The following TMEM132D variants were observed in gnomAD, a reference collection of about 807,000 sequenced individuals.
TMEM132D encodes the protein transmembrane protein 132D, also known as mature OL transmembrane protein.
A neutral mutation model predicts 62.3 loss-of-function variants in TMEM132D; 21 were observed. That is an observed-to-expected ratio of 0.34 (90% confidence interval 0.24 to 0.49). The LOEUF is 0.49. Ranked by LOEUF, TMEM132D falls within the 20% of genes least tolerant of loss-of-function variation. The probability of loss-of-function intolerance (pLI) is 0.99; values close to 1 mark genes in which losing one functional copy is unlikely to be tolerated. For missense variants in TMEM132D, 1,346 were observed against 1,402.8 expected, an observed-to-expected ratio of 0.96 and a Z score of 0.65; for synonymous variants, 621 against 575.6, an observed-to-expected ratio of 1.08 and a Z score of -1.13.
intron 3 of TMEM132D, among the ~76,000 whole-genome samples, chr12:129,403,713 T>G (rs1305509644): frequency 1.3e-5 from 2 of 152,056 alleles, no homozygotes; most frequent in Non-Finnish European, 2.9e-5. Flanking sequence ...TTGACTCGCA[T>G]GGAGTTAGAA....
At chr12:129,645,499 G>T (rs1173362176) in intron 2 of TMEM132D, among the ~76,000 whole-genome samples, 1 of 152,172 alleles carries the variant, frequency 6.6e-6, no homozygotes, top group East Asian at 1.9e-4. Context: ...TCTTATGTCG[G>T]TGATTTTTCA....
intron 3 of TMEM132D, among the ~76,000 whole-genome samples, chr12:129,447,030 C>A (rs1414705489): frequency 6.6e-6 from 1 of 152,162 alleles, no homozygotes; most frequent in Non-Finnish European, 1.5e-5. Context: ...TGTAGAGAAT[C>A]CTGCTACTCA....
intron 1 of TMEM132D, among the ~76,000 whole-genome samples, chr12:129,778,491 C>T (rs528762893): frequency 3.3e-5 from 5 of 152,304 alleles, no homozygotes; most frequent in Admixed American, 2.0e-4. Context: ...CCGAAAGACA[C>T]GTGAGCACTT....
At chr12:129,186,810 G>A (rs938552537) in intron 5 of TMEM132D, among the ~76,000 whole-genome samples, 3 of 152,150 alleles carry the variant, frequency 2.0e-5, no homozygotes, top group East Asian at 1.9e-4. Context: ...CAACTACAAC[G>A]TCATTGTGAA....
chr12:129,782,542 G>C (rs11835918), intron 1 of TMEM132D, among the ~76,000 whole-genome samples: 1,870 of 152,310 alleles, frequency 0.012, 30 homozygotes, highest in African/African-American at 0.043. Context: ...CTAAAATTGC[G>C]CCTGGCCTCA....
chr12:129,362,478 A>C (rs1472128106), intron 3 of TMEM132D, among the ~76,000 whole-genome samples: 2 of 140,480 alleles, frequency 1.4e-5, no homozygotes. Context: ...GCTACAGACA[A>C]ATATAGAAAC....
At chr12:129,388,232 T>A in intron 3 of TMEM132D, among the ~76,000 whole-genome samples, 1 of 127,318 alleles carries the variant, frequency 7.9e-6, no homozygotes, top group Non-Finnish European at 1.8e-5. Context: ...CTAACACGAA[T>A]CCTAATATAA....
At position 129,164,686 on chromosome 12, in the gene TMEM132D, G is replaced by A. The variant is rs550879892; in HGVS notation, c.1443+44834C>T. On this transcript the variant is annotated intron_variant, in intron 5 of 8. Coordinates refer to ENST00000422113, the MANE Select transcript of TMEM132D (RefSeq NM_133448.3). ...GCGGCAGGAAGAAGTGCTGAGTGAA[G>A]GGGAAAGAGCCCATTATAAAACCAT... Among the ~76,000 whole-genome samples, 243 of 152,238 alleles carry A rather than the reference G, an allele frequency of 1.6e-3. 1 individual carries two copies. In the Middle Eastern group the frequency reaches 0.02, roughly 13 times the overall value.
intron 3 of TMEM132D, among the ~76,000 whole-genome samples, chr12:129,444,059 T>C (rs1046737521): frequency 2.6e-5 from 4 of 152,308 alleles, no homozygotes; most frequent in Non-Finnish European, 4.4e-5. Flanking sequence ...GCTAGCCATA[T>C]GCAGAAAATT....
At chr12:129,200,593 G>A (rs751587473) in intron 5 of TMEM132D, among the ~76,000 whole-genome samples, 3 of 152,174 alleles carry the variant, frequency 2.0e-5, no homozygotes, top group Non-Finnish European at 4.4e-5. Context: ...GGGAGTTATA[G>A]GATCTGCAGG....
chr12:129,900,116 T>C (rs1486893531), intron 1 of TMEM132D, among the ~76,000 whole-genome samples: 4 of 152,234 alleles, frequency 2.6e-5, no homozygotes, highest in Non-Finnish European at 4.4e-5. Flanking sequence ...GTTCAGTTCA[T>C]GTCGCAATGT....
In TMEM132D at chr12:129,081,910, C is replaced by T; in HGVS notation, c.1772G>A (p.Gly591Glu). ...TQFVAEAAGPGGHLAHLLGSD... is the reference protein window; with the variant it reads ...TQFVAEAAGPEGHLAHLLGSD... Reference sequence around the variant, plus strand: ...GCCCAGCAGGTGGGCCAGGTGTCCCCCAGGGCCGGCCGCCTCAGCCACAAA... The same window carrying T: ...GCCCAGCAGGTGGGCCAGGTGTCCCTCAGGGCCGGCCGCCTCAGCCACAAA... Residue 591 changes from glycine to glutamate, a missense_variant, in exon 7 of 9, where the codon GGG (glycine) becomes GAG (glutamate). Transcript: ENST00000422113. 1 of 1,614,070 alleles carries T rather than the reference C, an allele frequency of 6.2e-7. No individual in the cohort carries two copies. Among genetic ancestry groups the T allele is most frequent in the Non-Finnish European group, 8.5e-7 (1 of 1,180,042 alleles).
rs116068322 is a variant in TMEM132D at position 129,438,680 on chromosome 12, C to T, written c.1115+92379G>A. 5.9e-5 allele frequency among the ~76,000 whole-genome samples: 9 copies of T among 152,190 alleles called. No homozygotes were observed. The East Asian group carries it at 1.2e-3, about 20-fold the overall frequency. On this transcript the variant is annotated intron_variant, in intron 3 of 8. Coordinates refer to ENST00000422113, the MANE Select transcript of TMEM132D (RefSeq NM_133448.3). ...TGGGAAGAAGGAGATGTTCTGTCCTCGGATCTGACACCTGTATAAGCGACT... is the reference window on the plus strand; with the variant it reads ...TGGGAAGAAGGAGATGTTCTGTCCTTGGATCTGACACCTGTATAAGCGACT...
intron 4 of TMEM132D, among the ~76,000 whole-genome samples, chr12:129,314,799 G>T (rs1868430723): frequency 6.6e-6 from 1 of 151,802 alleles, no homozygotes; most frequent in African/African-American, 2.4e-5. Flanking sequence ...GTTTATTTCA[G>T]CAGTGTTTTG....
intron 1 of TMEM132D, among the ~76,000 whole-genome samples, chr12:129,868,256 CAT>C (rs1431323616): frequency 6.6e-6 from 1 of 152,134 alleles, no homozygotes; most frequent in Non-Finnish European, 1.5e-5. Context: ...AGGGAACACA[CAT>C]GAGACAGCAT....
intron 5 of TMEM132D, among the ~76,000 whole-genome samples, chr12:129,159,106 T>A (rs1307434715): frequency 2.6e-5 from 4 of 152,182 alleles, no homozygotes; most frequent in East Asian, 1.9e-4. Flanking sequence ...CCAAACCATA[T>A]CATCAATTGT....
intron 1 of TMEM132D, among the ~76,000 whole-genome samples, chr12:129,819,898 G>A (rs1430342558): frequency 3.3e-5 from 5 of 152,132 alleles, no homozygotes; most frequent in Non-Finnish European, 7.3e-5. Flanking sequence ...AGTGGGAGAC[G>A]CAGTGTCCTG....
intron 3 of TMEM132D, among the ~76,000 whole-genome samples, chr12:129,450,945 G>A (rs1003031807): frequency 1.3e-5 from 2 of 151,712 alleles, no homozygotes; most frequent in African/African-American, 2.4e-5. Flanking sequence ...TGTAATTTTA[G>A]TAAAGACAGG....
rs201170894 is a variant in TMEM132D at position 129,747,531 on chromosome 12, GAC to G, written c.80-46835_80-46834del. The stretch of plus-strand genomic sequence containing the variant: ...ACACACACACACTCTCACACATTCA[GAC>G]ACACACACTCTCAGACACCCTCTCA... On this transcript the variant is annotated intron_variant, in intron 1 of 8. Coordinates refer to ENST00000422113, the MANE Select transcript of TMEM132D (RefSeq NM_133448.3). 7.9e-3 allele frequency among the ~76,000 whole-genome samples: 1,110 copies of G among 140,774 alleles called. 15 individuals are homozygous for G. Among genetic ancestry groups the G allele is most frequent in the African/African-American group, 0.028 (1,033 of 37,278 alleles). 92.4% of individuals were successfully genotyped at this position (140,774 alleles called of 152,430 possible). A position where few individuals can be genotyped will look rare whatever the true frequency, so the allele number is the denominator to read the frequency against.
Sources: allele counts gnomAD v4.1 joint callset (sites outside exome capture counted in the v4.1 genomes callset), GRCh38; gene constraint gnomAD v4.1.1; transcripts MANE v1.5; gene names NCBI Gene and HGNC (gene_info 2026-07-23, HGNC 2026-07-21).